The following CNTN5 variants were observed in gnomAD, a reference collection of about 807,000 sequenced individuals.
The protein encoded by CNTN5 is contactin 5.
A neutral mutation model predicts 129.1 loss-of-function variants in CNTN5; 77 were observed. That is an observed-to-expected ratio of 0.60 (90% confidence interval 0.50 to 0.72). The LOEUF is 0.72. CNTN5 is among the 30% of genes least tolerant of loss of function. The pLI is 0.00. For missense variants in CNTN5, 1,478 were observed against 1,328.8 expected, an observed-to-expected ratio of 1.11 and a Z score of -1.75; for synonymous variants, 509 against 465.6, an observed-to-expected ratio of 1.09 and a Z score of -1.20.
rs1208957564 is a variant in CNTN5, at chr11:99,820,171, T to A, written c.277+406T>A. ...AAGTTAGTCTTCTTTTCTAAACATC[T>A]TTAAAGGATTTGTATGCATTATTAT... On this transcript the variant is annotated intron_variant, in intron 4 of 24. Transcript: ENST00000524871. Among the ~76,000 whole-genome samples, 5 of 43,492 alleles carry A rather than the reference T, an allele frequency of 1.1e-4. No individual in the cohort carries two copies. The East Asian group carries it at 1.8e-3, about 16-fold the overall frequency. 28.5% of individuals were successfully genotyped at this position (43,492 alleles called of 152,430 possible).
chr11:99,644,606 G>A (rs937052111), intron 3 of CNTN5, among the ~76,000 whole-genome samples: 5 of 152,098 alleles, frequency 3.3e-5, no homozygotes, highest in South Asian at 2.1e-4. Context: ...AAATATAAGC[G>A]CAAGAAATCA....
At chr11:100,276,142 G>C (rs2138800227) in intron 18 of CNTN5, among the ~76,000 whole-genome samples, 1 of 152,252 alleles carries the variant, frequency 6.6e-6, no homozygotes, top group Admixed American at 6.5e-5. Flanking sequence ...CCAAAGCAGT[G>C]CAGTGAACTA....
Position 99,747,567 on chromosome 11 carries a change from C to A in CNTN5, c.56-71977C>A, listed in dbSNP as rs866659514. 3.3e-5 allele frequency among the ~76,000 whole-genome samples: 5 copies of A among 150,202 alleles called. No homozygotes were observed. The South Asian group carries it at 6.3e-4, about 19-fold the overall frequency. On this transcript the variant is annotated intron_variant, in intron 3 of 24. Coordinates refer to ENST00000524871, the MANE Select transcript of CNTN5 (RefSeq NM_014361.4). The stretch of plus-strand genomic sequence containing the variant: ...TGCAAGCTCTGCCTCCCGGGTTTAC[C>A]CCATTCTCCTGACTCAGCCTCCCTC...
intron 2 of CNTN5, among the ~76,000 whole-genome samples, chr11:99,426,636 G>C (rs1436339136): frequency 2.0e-5 from 3 of 152,120 alleles, no homozygotes; most frequent in Non-Finnish European, 1.5e-5. Context: ...TGATATGAAT[G>C]TTTAATTTAT....
At chr11:100,276,551 A>G (rs1216245296) in intron 18 of CNTN5, among the ~76,000 whole-genome samples, 1 of 121,000 alleles carries the variant, frequency 8.3e-6, no homozygotes, top group Non-Finnish European at 1.7e-5. Flanking sequence ...AAAAAAAAAA[A>G]AGGAAAGAAA....
At chr11:99,079,328 A>G (rs917766142) in intron 1 of CNTN5, among the ~76,000 whole-genome samples, 32 of 152,300 alleles carry the variant, frequency 2.1e-4, no homozygotes, top group Non-Finnish European at 2.9e-4. Flanking sequence ...TTCCAACTCT[A>G]TCTAGATAAA....
intron 3 of CNTN5, among the ~76,000 whole-genome samples, chr11:99,647,335 A>C (rs906735150): frequency 6.6e-6 from 1 of 152,084 alleles, no homozygotes; most frequent in African/African-American, 2.4e-5. Flanking sequence ...CCTTTGTCAA[A>C]AATCAGTTGG....
At chr11:100,220,980 G>A (rs1703488869) in intron 15 of CNTN5, among the ~76,000 whole-genome samples, 1 of 152,138 alleles carries the variant, frequency 6.6e-6, no homozygotes, top group South Asian at 2.1e-4. Flanking sequence ...ATGATCCTTG[G>A]CTGCACTAGT....
intron 3 of CNTN5, among the ~76,000 whole-genome samples, chr11:99,765,613 A>G (rs1282290175): frequency 1.3e-5 from 2 of 151,258 alleles, no homozygotes; most frequent in Non-Finnish European, 3.0e-5. Context: ...TCATTGAGAC[A>G]TATCTAACTT....
chr11:99,277,133 T>C (rs1304745475), intron 1 of CNTN5, among the ~76,000 whole-genome samples: 1 of 151,654 alleles, frequency 6.6e-6, no homozygotes, highest in Non-Finnish European at 1.5e-5. Flanking sequence ...ATGCTTTGTG[T>C]TGTGCTAGGT....
At chr11:99,273,526 C>T (rs1235259658) in intron 1 of CNTN5, among the ~76,000 whole-genome samples, 1 of 151,632 alleles carries the variant, frequency 6.6e-6, no homozygotes, top group East Asian at 1.9e-4. Flanking sequence ...GAAAGCCGAT[C>T]GGAATGAGAA....
chr11:99,882,400 T>G (rs537306216), intron 6 of CNTN5, among the ~76,000 whole-genome samples: 1 of 152,144 alleles, frequency 6.6e-6, no homozygotes, highest in Admixed American at 6.6e-5. Context: ...AAATGAACTT[T>G]GAGCAGTAAA....
At chr11:99,837,023 CT>C (rs2135648561) in intron 4 of CNTN5, among the ~76,000 whole-genome samples, 1 of 152,246 alleles carries the variant, frequency 6.6e-6, no homozygotes, top group South Asian at 2.1e-4. Context: ...GGCTGCTTTA[CT>C]TTAGCCTGTT....
At chr11:100,212,019 A>G (rs1424309097) in intron 15 of CNTN5, among the ~76,000 whole-genome samples, 1 of 152,152 alleles carries the variant, frequency 6.6e-6, no homozygotes, top group East Asian at 1.9e-4. Context: ...TTATCTCCCC[A>G]TAATGGCATC....
At chr11:100,130,031 T>G (rs1439325595) in intron 13 of CNTN5, among the ~76,000 whole-genome samples, 1 of 152,184 alleles carries the variant, frequency 6.6e-6, no homozygotes, top group South Asian at 2.1e-4. Flanking sequence ...TAATTTTTAC[T>G]GATGATGTTC....
chr11:100,076,916 C>CA (rs1184409266), intron 13 of CNTN5, among the ~76,000 whole-genome samples: 2 of 151,890 alleles, frequency 1.3e-5, no homozygotes, highest in African/African-American at 2.4e-5. Context: ...TAGTTCACTA[C>CA]AAAAAATAAT....
chr11:99,595,288 T>C (rs1296851454), intron 3 of CNTN5, among the ~76,000 whole-genome samples: 1 of 152,196 alleles, frequency 6.6e-6, no homozygotes, highest in African/African-American at 2.4e-5. Flanking sequence ...TTATACTTTG[T>C]ATATATGCAC....
At chr11:99,532,603 A>G (rs567198389) in intron 2 of CNTN5, among the ~76,000 whole-genome samples, 297 of 152,298 alleles carry the variant, frequency 2.0e-3, no homozygotes, top group African/African-American at 6.9e-3. Flanking sequence ...CCAGGAGGAG[A>G]TAATGGAATC....
chr11:99,066,682 G>A (rs1429235560), intron 1 of CNTN5, among the ~76,000 whole-genome samples: 1 of 152,092 alleles, frequency 6.6e-6, no homozygotes, highest in Non-Finnish European at 1.5e-5. Context: ...TGACCACCAT[G>A]CCTCCAAGAT....
Sources: allele counts gnomAD v4.1 joint callset (sites outside exome capture counted in the v4.1 genomes callset), GRCh38; gene constraint gnomAD v4.1.1; transcripts MANE v1.5; gene names NCBI Gene and HGNC (gene_info 2026-07-23, HGNC 2026-07-21).